NELL1: variants seen among roughly 807,000 people sequenced by gnomAD.
NELL1 encodes protein kinase C-binding protein NELL1.
NELL1 carries 76 observed loss-of-function variants against 107.4 expected under a neutral mutation model. The ratio of observed to expected loss-of-function variants is 0.71; its 90% CI spans 0.59 to 0.86. The LOEUF (loss-of-function observed/expected upper bound fraction) is 0.86, where lower values mean the gene tolerates loss of function less well. Ranked by LOEUF, NELL1 falls within the 40% of genes least tolerant of loss-of-function variation. The pLI is 0.00. For missense variants in NELL1, 1,024 were observed against 1,005.5 expected, an observed-to-expected ratio of 1.02 and a Z score of -0.25; for synonymous variants, 353 against 341.2, an observed-to-expected ratio of 1.03 and a Z score of -0.38.
intron 14 of NELL1, among the ~76,000 whole-genome samples, chr11:21,268,008 T>TA (rs1183177476): frequency 6.6e-6 from 1 of 152,168 alleles, no homozygotes; most frequent in Non-Finnish European, 1.5e-5. Context: ...TTAATCTATT[T>TA]AGCCATCCTT....
At chr11:20,840,286 A>G (rs893547829) in intron 3 of NELL1, among the ~76,000 whole-genome samples, 1 of 152,204 alleles carries the variant, frequency 6.6e-6, no homozygotes, top group South Asian at 2.1e-4. Context: ...TTATTTTTAA[A>G]GGTATAATAA....
chr11:20,685,290 A>T (rs1854280476), intron 2 of NELL1, among the ~76,000 whole-genome samples: 2 of 152,062 alleles, frequency 1.3e-5, no homozygotes, highest in South Asian at 4.2e-4. Context: ...CTGTAGTTTC[A>T]TCAAATATTC....
At chr11:21,016,046 C>T (rs766594479) in intron 12 of NELL1, among the ~76,000 whole-genome samples, 5 of 152,110 alleles carry the variant, frequency 3.3e-5, no homozygotes, top group Non-Finnish European at 7.4e-5. Context: ...GTGGGTCCTG[C>T]AATGAGAAGC....
chr11:21,254,791 T>C (rs554461517), intron 14 of NELL1, among the ~76,000 whole-genome samples: 109 of 152,114 alleles, frequency 7.2e-4, no homozygotes, highest in Non-Finnish European at 1.3e-3. Flanking sequence ...TCACAGTACA[T>C]TTCACAGCCA....
chr11:21,401,521 G>A (rs1852097471), intron 15 of NELL1, among the ~76,000 whole-genome samples: 1 of 150,320 alleles, frequency 6.7e-6, no homozygotes, highest in South Asian at 2.1e-4. Flanking sequence ...CACGTTTCCT[G>A]TAGTGACACT....
At chr11:21,111,288 G>C (rs1855101223) in intron 12 of NELL1, among the ~76,000 whole-genome samples, 1 of 152,078 alleles carries the variant, frequency 6.6e-6, no homozygotes, top group African/African-American at 2.4e-5. Flanking sequence ...CTTAGTAGAA[G>C]CCTAATTAAT....
At chr11:20,767,351 G>A (rs182964722) in intron 2 of NELL1, among the ~76,000 whole-genome samples, 16 of 152,226 alleles carry the variant, frequency 1.1e-4, no homozygotes, top group Admixed American at 7.8e-4. Context: ...CCCCACCCAC[G>A]TCCTGCTGAT....
intron 15 of NELL1, among the ~76,000 whole-genome samples, chr11:21,474,007 AT>A (rs990295856): frequency 4.6e-5 from 7 of 151,992 alleles, no homozygotes; most frequent in Non-Finnish European, 7.4e-5. Context: ...ACGAGGTACT[AT>A]TTCTAAGATA....
At chr11:21,102,188 T>C (rs563924341) in intron 12 of NELL1, among the ~76,000 whole-genome samples, 3 of 152,160 alleles carry the variant, frequency 2.0e-5, no homozygotes, top group East Asian at 1.9e-4. Context: ...TGTTAAAAAA[T>C]TATTGCTTCC....
At chr11:21,121,080 G>A (rs1022839558) in intron 13 of NELL1, among the ~76,000 whole-genome samples, 1 of 152,092 alleles carries the variant, frequency 6.6e-6, no homozygotes, top group Admixed American at 6.6e-5. Flanking sequence ...CTGTTCTGGG[G>A]TTGGGACCCA....
intron 15 of NELL1, among the ~76,000 whole-genome samples, chr11:21,426,611 C>T (rs1296524619): frequency 6.6e-6 from 1 of 152,192 alleles, no homozygotes; most frequent in African/African-American, 2.4e-5. Context: ...TTTAAGCAAG[C>T]TCCTTCCTAT....
At chr11:21,518,615 T>C (rs1470947094) in intron 15 of NELL1, among the ~76,000 whole-genome samples, 1 of 152,194 alleles carries the variant, frequency 6.6e-6, no homozygotes, top group Non-Finnish European at 1.5e-5. Context: ...AACTAAGGAT[T>C]AGATATAATG....
In NELL1 at chr11:21,404,005, ACC is replaced by A. The variant is rs71034518; in HGVS notation, c.1645+33067_1645+33068del. ...CGGAAAATATCTCTGTCATTCCTGA[ACC>A]CCCCCCCCCGCAATCAAAACCACTG... On this transcript the variant is annotated intron_variant, in intron 15 of 19. Transcript: ENST00000357134. Among the ~76,000 whole-genome samples the A allele has an allele frequency of 4.9e-3, 252 of 50,956 alleles. 9 individuals are homozygous for A. The South Asian group carries it at 0.11, about 23-fold the overall frequency. The allele number at this position is 50,956 out of a possible 152,430, so 33.4% of individuals were successfully genotyped here.
chr11:21,526,808 C>T (rs1231067373), intron 15 of NELL1, among the ~76,000 whole-genome samples: 3 of 152,214 alleles, frequency 2.0e-5, no homozygotes, highest in Admixed American at 1.3e-4. Context: ...CCTGAAGCTG[C>T]ACACAGCAGA....
chr11:20,916,663 T>C (rs527961949), intron 5 of NELL1, among the ~76,000 whole-genome samples: 1 of 152,084 alleles, frequency 6.6e-6, no homozygotes, highest in Admixed American at 6.6e-5. Context: ...TAGGAGCCTC[T>C]GTTTTAGCGC....
chr11:21,207,634 C>T (rs1857417085), intron 13 of NELL1, among the ~76,000 whole-genome samples: 1 of 152,114 alleles, frequency 6.6e-6, no homozygotes, highest in African/African-American at 2.4e-5. Flanking sequence ...CTCATTATAT[C>T]AATGGTCTTG....
chr11:21,235,064 G>C (rs1000600925), intron 14 of NELL1, among the ~76,000 whole-genome samples: 10 of 152,166 alleles, frequency 6.6e-5, no homozygotes, highest in Admixed American at 4.6e-4. Flanking sequence ...TTTGGCAAAA[G>C]TACTTACAGC....
intron 14 of NELL1, among the ~76,000 whole-genome samples, chr11:21,230,239 C>CT (rs1858010787): frequency 6.6e-6 from 1 of 152,148 alleles, no homozygotes; most frequent in African/African-American, 2.4e-5. Context: ...TATGTGTTTG[C>CT]TTATCTCTGT....
chr11:21,113,048 A>G (rs990227721), intron 12 of NELL1, among the ~76,000 whole-genome samples: 5 of 151,998 alleles, frequency 3.3e-5, no homozygotes, highest in Non-Finnish European at 5.9e-5. Context: ...GCTCCAGGTC[A>G]AAGGATGAGA....
Sources: gnomAD v4.1 joint callset for allele counts (sites outside exome capture counted in the v4.1 genomes callset) on GRCh38, gnomAD v4.1.1 for gene constraint, MANE v1.5 for transcripts, NCBI Gene and HGNC (gene_info 2026-07-23, HGNC 2026-07-21) for gene names.